ADCY2: variants seen among roughly 807,000 people sequenced by gnomAD.
ADCY2 encodes the protein adenylate cyclase type 2.
A neutral mutation model predicts 125.2 loss-of-function variants in ADCY2; 31 were observed. The observed-to-expected ratio is 0.25, with a 90% CI of 0.19 to 0.33. ADCY2 has a LOEUF of 0.33. Ranked by LOEUF, ADCY2 falls within the 10% of genes least tolerant of loss-of-function variation. The pLI is 1.00. For synonymous variants in ADCY2, 512 were observed against 548.4 expected (o/e 0.93, Z 0.93); for missense variants, 904 against 1,418.2 (o/e 0.64, Z 5.82).
chr5:7,590,083 T>A (rs757009567), intron 3 of ADCY2, among the ~76,000 whole-genome samples: 10 of 152,106 alleles, frequency 6.6e-5, no homozygotes, highest in East Asian at 1.9e-4. Context: ...TTAGGCTCCG[T>A]CTGCTAAAAC....
intron 4 of ADCY2, among the ~76,000 whole-genome samples, chr5:7,642,098 C>T (rs1180538841): frequency 1.3e-5 from 2 of 152,158 alleles, no homozygotes; most frequent in East Asian, 3.9e-4. Context: ...AGGAAATTTC[C>T]ACATGGCCTT....
intron 2 of ADCY2, among the ~76,000 whole-genome samples, chr5:7,459,100 G>A (rs1164392995): frequency 4.6e-5 from 7 of 152,276 alleles, no homozygotes; most frequent in South Asian, 4.1e-4. Context: ...AGGTGGGTGC[G>A]GATCTTCTGA....
At chr5:7,714,365 G>T (rs1008642969) in intron 11 of ADCY2, among the ~76,000 whole-genome samples, 1 of 152,226 alleles carries the variant, frequency 6.6e-6, no homozygotes, top group East Asian at 1.9e-4. Flanking sequence ...GATGGGTAAT[G>T]TGTCATGGAA....
At chr5:7,406,025 A>ATT (rs111642610) in intron 1 of ADCY2, among the ~76,000 whole-genome samples, 1 of 145,962 alleles carries the variant, frequency 6.9e-6, no homozygotes, top group African/African-American at 2.5e-5. Flanking sequence ...TGCCCTACTA[A>ATT]TTTTTTTTTT....
intron 10 of ADCY2, among the ~76,000 whole-genome samples, chr5:7,710,637 A>G (rs557570310): frequency 6.6e-6 from 1 of 152,334 alleles, no homozygotes; most frequent in African/African-American, 2.4e-5. Context: ...TGGCTGGAGC[A>G]TCATGAACAA....
intron 2 of ADCY2, among the ~76,000 whole-genome samples, chr5:7,432,786 A>C (rs1740651690): frequency 6.6e-6 from 1 of 152,228 alleles, no homozygotes; most frequent in Non-Finnish European, 1.5e-5. Flanking sequence ...AGGGATGGGT[A>C]CAATGGGCAC....
chr5:7,469,037 A>G (rs1365988987), intron 2 of ADCY2, among the ~76,000 whole-genome samples: 9 of 152,046 alleles, frequency 5.9e-5, no homozygotes, highest in African/African-American at 1.7e-4. Flanking sequence ...TATTATAGTA[A>G]TGTAGCCGTA....
At chr5:7,705,480 C>A (rs1051039240) in intron 7 of ADCY2, among the ~76,000 whole-genome samples, 5 of 152,352 alleles carry the variant, frequency 3.3e-5, no homozygotes, top group African/African-American at 7.2e-5. Context: ...ACAATGCCAG[C>A]TGGCCACATG....
At chr5:7,556,860 G>A (rs903202515) in intron 3 of ADCY2, among the ~76,000 whole-genome samples, 2 of 152,030 alleles carry the variant, frequency 1.3e-5, no homozygotes, top group African/African-American at 2.4e-5. Flanking sequence ...GTTTCATCCC[G>A]AAACCAACCC....
chr5:7,815,782 G>A (rs1745092612), intron 22 of ADCY2, among the ~76,000 whole-genome samples: 1 of 152,160 alleles, frequency 6.6e-6, no homozygotes, highest in Admixed American at 6.5e-5. Context: ...CCTCAAGGAC[G>A]AGTAAATGAG....
intron 4 of ADCY2, among the ~76,000 whole-genome samples, chr5:7,668,193 A>G (rs1739821498): frequency 6.6e-6 from 1 of 152,204 alleles, no homozygotes; most frequent in Non-Finnish European, 1.5e-5. Flanking sequence ...TGTGAAGGTT[A>G]TTTTTAAGAT....
At chr5:7,713,873 G>A (rs1030924795) in intron 11 of ADCY2, among the ~76,000 whole-genome samples, 3 of 152,052 alleles carry the variant, frequency 2.0e-5, no homozygotes, top group Non-Finnish European at 4.4e-5. Flanking sequence ...AGAAACTAAG[G>A]AAAAATATGA....
intron 20 of ADCY2, chr5:7,799,514 C>T (rs326142): frequency 0.28 from 42,821 of 151,948 alleles, 6,336 homozygotes; most frequent in Admixed American, 0.43. Flanking sequence ...AGCCTCAGAG[C>T]TTCCAAGAGA....
intron 2 of ADCY2, among the ~76,000 whole-genome samples, chr5:7,499,822 T>G (rs575684618): frequency 1.3e-5 from 2 of 151,188 alleles, no homozygotes; most frequent in East Asian, 3.9e-4. Flanking sequence ...AAAAACACAG[T>G]AAATGCAGTA....
At chr5:7,791,069 G>A (rs1188784671) in intron 20 of ADCY2, among the ~76,000 whole-genome samples, 2 of 151,968 alleles carry the variant, frequency 1.3e-5, no homozygotes, top group African/African-American at 4.8e-5. Flanking sequence ...TGTCTATTCT[G>A]AAAGATTTCA....
chr5:7,595,061 T>G (rs1434587107), intron 3 of ADCY2, among the ~76,000 whole-genome samples: 6 of 152,204 alleles, frequency 3.9e-5, no homozygotes, highest in Non-Finnish European at 7.3e-5. Flanking sequence ...TTCTTTGTCC[T>G]TCAAGGCAAA....
At chr5:7,528,082 G>A (rs1302303540) in intron 3 of ADCY2, among the ~76,000 whole-genome samples, 2 of 152,130 alleles carry the variant, frequency 1.3e-5, no homozygotes, top group African/African-American at 2.4e-5. Context: ...CTTAGGTTTC[G>A]CAAGCCATTG....
intron 3 of ADCY2, among the ~76,000 whole-genome samples, chr5:7,548,979 T>C (rs1484091586): frequency 6.6e-6 from 1 of 152,210 alleles, no homozygotes; most frequent in African/African-American, 2.4e-5. Context: ...TAGCAGCAGA[T>C]AATTACAGGT....
intron 2 of ADCY2, among the ~76,000 whole-genome samples, chr5:7,500,199 A>G (rs1323788155): frequency 6.6e-6 from 1 of 152,200 alleles, no homozygotes; most frequent in African/African-American, 2.4e-5. Context: ...TTTGAACACC[A>G]TTGGGTTATA....
Sources: allele counts gnomAD v4.1 joint callset (sites outside exome capture counted in the v4.1 genomes callset), GRCh38; gene constraint gnomAD v4.1.1; transcripts MANE v1.5; gene names NCBI Gene and HGNC (gene_info 2026-07-23, HGNC 2026-07-21).